Variants in ADCY9 observed in about 807,000 individuals in gnomAD.
ADCY9 encodes the protein adenylate cyclase 9.
A neutral mutation model predicts 101.5 loss-of-function variants in ADCY9; 50 were observed. The observed-to-expected ratio is 0.49, with a 90% CI of 0.39 to 0.62. The LOEUF is 0.62. Ranked by LOEUF, ADCY9 falls within the 20% of genes least tolerant of loss-of-function variation. The probability of loss-of-function intolerance (pLI) is 0.00; values close to 1 mark genes in which losing one functional copy is unlikely to be tolerated. For missense variants in ADCY9, 1,662 were observed against 1,800.4 expected, an observed-to-expected ratio of 0.92 and a Z score of 1.39; for synonymous variants, 905 against 769.3, an observed-to-expected ratio of 1.18 and a Z score of -2.92.
At chr16:4,105,609 G>A (rs968737872) in intron 2 of ADCY9, among the ~76,000 whole-genome samples, 4 of 150,582 alleles carry the variant, frequency 2.7e-5, no homozygotes, top group African/African-American at 9.8e-5. Flanking sequence ...GCACCCAGGA[G>A]GCAGAGGTTG....
chr16:4,093,675 CTT>C (rs1448564169), intron 2 of ADCY9, among the ~76,000 whole-genome samples: 1 of 152,190 alleles, frequency 6.6e-6, no homozygotes, highest in East Asian at 1.9e-4. Context: ...GAGAATATCA[CTT>C]GAGCCCAGGA....
At chr16:4,059,379 G>GCAAAAAAAAAAAAA (rs34159566) in intron 2 of ADCY9, among the ~76,000 whole-genome samples, 2 of 118,458 alleles carry the variant, frequency 1.7e-5, no homozygotes, top group African/African-American at 3.2e-5. Context: ...AGAATCCATC[G>GCAAAAAAAAAAAAA]AAAAAAAAAA....
intron 5 of ADCY9, among the ~76,000 whole-genome samples, chr16:3,956,559 T>C (rs986346755): frequency 1.4e-5 from 2 of 138,504 alleles, no homozygotes; most frequent in Admixed American, 8.0e-5. Flanking sequence ...GGCATGATCT[T>C]GGCTCACTGA....
chr16:4,074,716 C>CAAAAAA (rs55742993), intron 2 of ADCY9, among the ~76,000 whole-genome samples: 17,231 of 99,666 alleles, frequency 0.17, 1,738 homozygotes, highest in African/African-American at 0.25. Context: ...TACCCAGTGG[C>CAAAAAA]AAAAAAAAAA....
intron 2 of ADCY9, among the ~76,000 whole-genome samples, chr16:4,068,900 A>G (rs1278696577): frequency 1.3e-5 from 2 of 152,130 alleles, no homozygotes; most frequent in African/African-American, 4.8e-5. Flanking sequence ...AATGGTTACA[A>G]CTATTCCACC....
intron 6 of ADCY9, among the ~76,000 whole-genome samples, chr16:3,984,311 G>A (rs1377418742): frequency 2.6e-5 from 4 of 152,160 alleles, no homozygotes; most frequent in East Asian, 1.9e-4. Context: ...AGTGGCCGAC[G>A]GGGATTTAAG....
At chr16:3,991,686 G>A (rs1215368510) in intron 5 of ADCY9, among the ~76,000 whole-genome samples, 1 of 150,510 alleles carries the variant, frequency 6.6e-6, no homozygotes, top group Non-Finnish European at 1.5e-5. Flanking sequence ...ACTTGAACCT[G>A]GGAGGTGGAG....
intron 10 of ADCY9, among the ~76,000 whole-genome samples, chr16:3,974,291 G>A (rs550053501): frequency 5.9e-5 from 9 of 152,276 alleles, no homozygotes; most frequent in South Asian, 2.1e-4. Flanking sequence ...TGATCCGCCC[G>A]CCTCGGCCTC....
At chr16:4,056,872 G>A (rs1287884385) in intron 2 of ADCY9, among the ~76,000 whole-genome samples, 1 of 152,154 alleles carries the variant, frequency 6.6e-6, no homozygotes, top group Non-Finnish European at 1.5e-5. Flanking sequence ...CTGTTCTGAA[G>A]CTGTCTCAAG....
intron 3 of ADCY9, among the ~76,000 whole-genome samples, chr16:3,996,233 G>A (rs1260307521): frequency 2.6e-5 from 4 of 152,094 alleles, no homozygotes; most frequent in East Asian, 1.9e-4. Context: ...TTGATGGCAC[G>A]TGCCTGTGGT....
At chr16:4,012,249 G>T (rs2056409081) in intron 2 of ADCY9, among the ~76,000 whole-genome samples, 1 of 152,156 alleles carries the variant, frequency 6.6e-6, no homozygotes, top group African/African-American at 2.4e-5. Flanking sequence ...AATTTAAAGT[G>T]AAACCTTTTG....
downstream of ADCY9, among the ~76,000 whole-genome samples, chr16:3,958,204 C>T (rs1478826637): frequency 6.6e-6 from 1 of 152,100 alleles, no homozygotes; most frequent in African/African-American, 2.4e-5. Flanking sequence ...CTCTGGGACC[C>T]TCCCGCCAGG....
chr16:4,084,645 G>A (rs1458107382), intron 2 of ADCY9, among the ~76,000 whole-genome samples: 2 of 151,936 alleles, frequency 1.3e-5, no homozygotes, highest in African/African-American at 2.4e-5. Flanking sequence ...AGGATCACTT[G>A]AGCCTGGGTG....
At chr16:4,067,329 T>G (rs531895198) in intron 2 of ADCY9, among the ~76,000 whole-genome samples, 123 of 152,318 alleles carry the variant, frequency 8.1e-4, no homozygotes, top group Non-Finnish European at 1.2e-3. Context: ...CTCACAAGGA[T>G]AGTAAAATAC....
rs764068928 is a variant in ADCY9 at position 3,983,296 on chromosome 16, C to T, written c.2455G>A (p.Ala819Thr). 34 of 1,561,120 alleles carry T rather than the reference C, an allele frequency of 2.2e-5. No homozygotes were observed. The highest frequency in any genetic ancestry group is 4.7e-5 in the South Asian group (4 of 84,724). ...GCTGCACTGAAGACCGCCAGGGCGG[C>T]GGGCGGGGGAGGCACGGTGGCCGCC... Reference protein sequence around the residue: ...YEAATVPPPPAALAVFSAALL... With the variant: ...YEAATVPPPPTALAVFSAALL... Residue 819 changes from alanine (A) to threonine (T), a missense_variant, in exon 7 of 11, where the codon GCC (alanine) becomes ACC (threonine). Ala to Thr is a moderately conservative substitution (Grantham distance 58). Around this residue, in one of 5 missense-constraint regions of ADCY9, gnomAD observed 624 missense variants for 639.1 expected, o/e 0.98. Coordinates refer to ENST00000294016, the MANE Select transcript of ADCY9 (RefSeq NM_001116.4).
At chr16:4,012,342 C>CA (rs35961808) in intron 2 of ADCY9, among the ~76,000 whole-genome samples, 4,341 of 152,210 alleles carry the variant, frequency 0.029, 109 homozygotes, top group Non-Finnish European at 0.036. Flanking sequence ...TACATCAGGA[C>CA]AGGTTACTGA....
At chr16:4,008,336 G>A (rs1207084562) in intron 2 of ADCY9, among the ~76,000 whole-genome samples, 1 of 152,156 alleles carries the variant, frequency 6.6e-6, no homozygotes, top group Non-Finnish European at 1.5e-5. Flanking sequence ...CCTGCCCCGG[G>A]AATCTGCTGG....
chr16:4,027,251 C>T (rs1465814356), intron 2 of ADCY9, among the ~76,000 whole-genome samples: 1 of 152,212 alleles, frequency 6.6e-6, no homozygotes, highest in Non-Finnish European at 1.5e-5. Context: ...TCTGTGCTTC[C>T]CTTGCTTCGT....
chr16:4,002,339 A>G (rs1011757893), intron 3 of ADCY9, among the ~76,000 whole-genome samples: 2 of 152,222 alleles, frequency 1.3e-5, no homozygotes, highest in Non-Finnish European at 2.9e-5. Context: ...ACTCATAATG[A>G]CTTGACACAT....
Sources: gnomAD v4.1 joint callset for allele counts (sites outside exome capture counted in the v4.1 genomes callset) on GRCh38, gnomAD v4.1.1 for gene constraint, gnomAD v4.1.1 regional missense constraint, MANE v1.5 for transcripts, NCBI Gene and HGNC (gene_info 2026-07-23, HGNC 2026-07-21) for gene names.